Variants in FAAP20 observed in about 807,000 individuals in gnomAD.
FAAP20 encodes Fanconi anemia core complex-associated protein 20.
In FAAP20, 12 loss-of-function variants were observed where a neutral mutation model predicts 16.2. The observed-to-expected ratio is 0.74, with a 90% CI of 0.48 to 1.20. The LOEUF (loss-of-function observed/expected upper bound fraction) is 1.20, where lower values mean the gene tolerates loss of function less well. Ranked by LOEUF, FAAP20 falls within the 50% of genes most tolerant of loss-of-function variation. The probability of loss-of-function intolerance (pLI) is 0.00; values close to 1 mark genes in which losing one functional copy is unlikely to be tolerated. For missense variants in FAAP20, 288 were observed against 245.8 expected (o/e 1.17, Z -1.15); for synonymous variants, 141 against 110.7 (o/e 1.27, Z -1.72).
intron 3 of FAAP20, chr1:2,206,204 G>A (rs1019523440): frequency 6.6e-6 from 1 of 152,336 alleles, no homozygotes; most frequent in African/African-American, 2.4e-5. Flanking sequence ...AGGAGGAAGA[G>A]AGGCTACAGG....
At chr1:2,186,490 A>ACC (rs1687608667), downstream of FAAP20, among the ~76,000 whole-genome samples, 1 of 109,824 alleles carries the variant, frequency 9.1e-6, no homozygotes, top group Non-Finnish European at 1.9e-5. Context: ...GAGACCCTGG[A>ACC]CACCCGCCCC....
chr1:2,206,165 C>A (rs973078082), intron 3 of FAAP20: 1 of 152,306 alleles, frequency 6.6e-6, no homozygotes, highest in African/African-American at 2.4e-5. Context: ...CAGCAATGGT[C>A]GATTTCCCCC....
chr1:2,191,060 G>A (rs1160509326), intron 3 of FAAP20: 1 of 152,816 alleles, frequency 6.5e-6, no homozygotes, highest in Non-Finnish European at 1.5e-5. Flanking sequence ...AGCCCCCGAG[G>A]GTCACTCAGT....
downstream of FAAP20, chr1:2,187,279 C>T: frequency 2.5e-6 from 1 of 403,418 alleles, no homozygotes; most frequent in Non-Finnish European, 5.0e-6. Flanking sequence ...TTTCTGAAGC[C>T]ATTTTCTTTT....
upstream of FAAP20, among the ~76,000 whole-genome samples, chr1:2,197,852 C>T (rs1431401087): frequency 1.3e-5 from 2 of 152,316 alleles, no homozygotes; most frequent in East Asian, 1.9e-4. Flanking sequence ...GCTCTGGGCA[C>T]GTGGCGGGTG....
chr1:2,202,456 C>G (rs1255500495), upstream of FAAP20, among the ~76,000 whole-genome samples: 1 of 152,000 alleles, frequency 6.6e-6, no homozygotes, highest in East Asian at 1.9e-4. Context: ...CTCAACACCT[C>G]TTTATTTTTA....
At chr1:2,192,005 A>T in intron 3 of FAAP20, 1 of 985,538 alleles carries the variant, frequency 1.0e-6, no homozygotes, top group Non-Finnish European at 1.2e-6. Flanking sequence ...CAAGGCTGTG[A>T]GAAATGGGAG....
chr1:2,191,950 G>T, intron 3 of FAAP20: 1 of 985,474 alleles, frequency 1.0e-6, no homozygotes, highest in Non-Finnish European at 1.2e-6. Flanking sequence ...TACATAGTTT[G>T]TCAAATCCAG....
intron 3 of FAAP20, chr1:2,192,273 G>T: frequency 1.0e-6 from 1 of 986,328 alleles, no homozygotes; most frequent in Non-Finnish European, 1.2e-6. Context: ...ACAGCCTCGG[G>T]TGAGTTCCGG....
At chr1:2,207,260 G>A (rs1689296323), downstream of FAAP20, among the ~76,000 whole-genome samples, 1 of 152,186 alleles carries the variant, frequency 6.6e-6, no homozygotes, top group African/African-American at 2.4e-5. Flanking sequence ...CATCCAGGGT[G>A]TCTTGTCCCC....
rs1360836786 is a variant in FAAP20, at chr1:2,194,734, TCCGCGCCGCCTCCATCCAAGC to T, written c.-6_15del. ...CGGCGGCTCAACCCCAGCCGCGGCC[TCCGCGCCGCCTCCATCCAAGC>T]CCGCGCCGGGCGGAAGTGAGCGCAA... On this transcript the variant is annotated start_lost and 5_prime_UTR_variant, in exon 1 of 4. Transcript: ENST00000378546. 2.5e-6 allele frequency: 3 copies of T among 1,190,354 alleles called. No individual in the cohort carries two copies. The African/African-American group carries it at 5.0e-5, about 20-fold the overall frequency. The allele number at this position is 1,190,354 out of a possible 1,614,324, so 73.7% of individuals were successfully genotyped here. A position where few individuals can be genotyped will look rare whatever the true frequency, so the allele number is the denominator to read the frequency against.
At chr1:2,196,550 A>G (rs1688833579), upstream of FAAP20, among the ~76,000 whole-genome samples, 1 of 151,732 alleles carries the variant, frequency 6.6e-6, no homozygotes, top group Non-Finnish European at 1.5e-5. The surrounding 1 kb of genome is among the most constrained non-coding windows in gnomAD (Gnocchi z 4.5). Flanking sequence ...CAAAAAAAAA[A>G]AAAAATAGGC....
At chr1:2,190,502 C>T (rs1245258365) in intron 3 of FAAP20, 1 of 440,368 alleles carries the variant, frequency 2.3e-6, no homozygotes, top group Middle Eastern at 3.3e-4. Context: ...CATGTGGCCC[C>T]ATCAGCCCAA....
At chr1:2,190,510 C>T in intron 3 of FAAP20, 1 of 433,660 alleles carries the variant, frequency 2.3e-6, no homozygotes, top group Non-Finnish European at 4.7e-6. Flanking sequence ...CCCATCAGCC[C>T]AACTGGAGCG....
At chr1:2,186,273 C>T (rs568444177), downstream of FAAP20, 4 of 279,876 alleles carry the variant, frequency 1.4e-5, no homozygotes, top group Non-Finnish European at 2.9e-5. Context: ...GACGTAAAAC[C>T]CCAAGTTAGG....
rs150566176 is a variant in FAAP20 at position 2,193,843 on chromosome 1, G to C, written c.266C>G (p.Pro89Arg). 29 of 1,612,004 alleles carry C rather than the reference G, an allele frequency of 1.8e-5. No individual in the cohort carries two copies. In the African/African-American group the frequency reaches 2.7e-4, roughly 15 times the overall value. ...TVGPKTFSWT[P>R]FPPDLWGPGR... ...CGGGCCCCACAGGTCCGGCGGAAAGGGTGTCCAGGAAAAGGTCTTGGGTCC... is the reference window on the plus strand; with the variant it reads ...CGGGCCCCACAGGTCCGGCGGAAAGCGTGTCCAGGAAAAGGTCTTGGGTCC... Residue 89 changes from proline to arginine, a missense_variant, in exon 3 of 4, where the codon CCC becomes CGC. By Grantham distance (103) the Pro-to-Arg change is moderately radical. Coordinates refer to ENST00000378546, the MANE Select transcript of FAAP20 (RefSeq NM_182533.4).
chr1:2,198,318 C>T (rs1012665588), upstream of FAAP20: 22 of 528,258 alleles, frequency 4.2e-5, no homozygotes, highest in African/African-American at 2.0e-5. Context: ...CTCCTACTCC[C>T]GCACCTGCAG....
chr1:2,210,361 G>T (rs1689403028), downstream of FAAP20, among the ~76,000 whole-genome samples: 1 of 152,222 alleles, frequency 6.6e-6, no homozygotes, highest in African/African-American at 2.4e-5. Flanking sequence ...ACAGGGGGTG[G>T]CTGTGACCTT....
downstream of FAAP20, among the ~76,000 whole-genome samples, chr1:2,211,095 C>T (rs148886548): frequency 7.9e-5 from 12 of 152,276 alleles, no homozygotes; most frequent in East Asian, 1.2e-3. Flanking sequence ...TTGGGCACCA[C>T]GGCGGGTGCC....
Sources: gnomAD v4.1 joint callset for allele counts (sites outside exome capture counted in the v4.1 genomes callset) on GRCh38, gnomAD v4.1.1 for gene constraint, Gnocchi (gnomAD v3.1) non-coding constraint, MANE v1.5 for transcripts, NCBI Gene and HGNC (gene_info 2026-07-23, HGNC 2026-07-21) for gene names.